The following KLHL29 variants were observed in gnomAD, a reference collection of about 807,000 sequenced individuals.
The protein encoded by KLHL29 is kelch like family member 29.
Under a neutral mutation model 80.4 loss-of-function variants are expected in KLHL29, and 21 were observed. The ratio of observed to expected loss-of-function variants is 0.26; its 90% CI spans 0.19 to 0.38. The LOEUF (loss-of-function observed/expected upper bound fraction) is 0.38, where lower values mean the gene tolerates loss of function less well. Ranked by LOEUF, KLHL29 falls within the 10% of genes least tolerant of loss-of-function variation. The pLI, the probability that KLHL29 is intolerant of heterozygous loss-of-function variation, is 1.00. For synonymous variants in KLHL29, 511 were observed against 526.8 expected (o/e 0.97, Z 0.41); for missense variants, 867 against 1,223.9 (o/e 0.71, Z 4.35).
At position 23,396,233 on chromosome 2, in the gene KLHL29, G is replaced by A. The variant is rs113316090; in HGVS notation, c.-154+10453G>A. Among the ~76,000 whole-genome samples the A allele has an allele frequency of 5.7e-3, 868 of 152,256 alleles. 7 individuals are homozygous for A. The highest frequency in any genetic ancestry group is 0.02 in the African/African-American group (815 of 41,560). On this transcript the variant is annotated intron_variant, in intron 1 of 13. Transcript: ENST00000486442. ...CTGCCATTGTTGGTGGCCATAAGGA[G>A]GGCTGCATCCCCTGCGTTTAGGTGC...
intron 2 of KLHL29, among the ~76,000 whole-genome samples, chr2:23,527,266 T>C (rs1244167998): frequency 1.3e-5 from 2 of 152,196 alleles, no homozygotes; most frequent in African/African-American, 4.8e-5. Context: ...AAATGCGACC[T>C]GCTTCTTCTC....
At chr2:23,407,305 C>T (rs1048767330) in intron 1 of KLHL29, among the ~76,000 whole-genome samples, 11 of 151,884 alleles carry the variant, frequency 7.2e-5, no homozygotes, top group Non-Finnish European at 1.5e-4. Context: ...TTACCCTATT[C>T]TATCCTATTA....
intron 3 of KLHL29, among the ~76,000 whole-genome samples, chr2:23,624,488 C>T (rs1374175005): frequency 1.3e-5 from 2 of 152,206 alleles, no homozygotes; most frequent in African/African-American, 4.8e-5. Context: ...GCGACATTGC[C>T]CCTCACTATC....
chr2:23,413,785 G>T (rs2103396890), intron 1 of KLHL29, among the ~76,000 whole-genome samples: 1 of 152,322 alleles, frequency 6.6e-6, no homozygotes, highest in East Asian at 1.9e-4. Context: ...TGGCATCGAT[G>T]GCCCTGAGTT....
intron 2 of KLHL29, among the ~76,000 whole-genome samples, chr2:23,518,252 G>A (rs1267573490): frequency 3.9e-5 from 6 of 152,122 alleles, no homozygotes; most frequent in African/African-American, 1.2e-4. Context: ...TGTAAATGTC[G>A]CCTAACAGTC....
At chr2:23,565,889 C>T (rs576297115) in intron 3 of KLHL29, among the ~76,000 whole-genome samples, 6 of 152,344 alleles carry the variant, frequency 3.9e-5, no homozygotes, top group Admixed American at 3.9e-4. Context: ...TTAGTGTCCC[C>T]TCTTGGCTAG....
At chr2:23,655,584 T>C (rs1670222873) in intron 5 of KLHL29, among the ~76,000 whole-genome samples, 1 of 152,090 alleles carries the variant, frequency 6.6e-6, no homozygotes, top group Non-Finnish European at 1.5e-5. Context: ...CAAATCGGCA[T>C]AAATAGCTCC....
chr2:23,421,179 T>A (rs898592000), intron 1 of KLHL29, among the ~76,000 whole-genome samples: 4 of 152,212 alleles, frequency 2.6e-5, no homozygotes, highest in Non-Finnish European at 5.9e-5. Context: ...CTGTTCCAGG[T>A]CCTTTGAGCC....
intron 5 of KLHL29, among the ~76,000 whole-genome samples, chr2:23,664,302 C>G (rs1204447132): frequency 6.6e-6 from 1 of 152,180 alleles, no homozygotes; most frequent in Non-Finnish European, 1.5e-5. Flanking sequence ...CACACTGGGG[C>G]AGGGAGGGTT....
intron 3 of KLHL29, among the ~76,000 whole-genome samples, chr2:23,569,685 C>T (rs759539408): frequency 2.6e-5 from 4 of 152,096 alleles, no homozygotes; most frequent in Non-Finnish European, 5.9e-5. Flanking sequence ...CAGAACCCAA[C>T]CCATTTGTTA....
chr2:23,695,775 C>T lies in KLHL29; in HGVS notation c.1695C>T (p.Ala565=). 2 of 1,551,276 alleles carry T rather than the reference C, an allele frequency of 1.3e-6. No individual in the cohort carries two copies. Among genetic ancestry groups the T allele is most frequent in the Non-Finnish European group, 1.7e-6 (2 of 1,146,978 alleles). Residue 565 remains alanine (A), a synonymous_variant, in exon 9 of 14, where the codon GCC becomes GCT. Transcript: ENST00000486442. The surrounding 1 kb of genome is among the most constrained non-coding windows in gnomAD (Gnocchi z 7.6). ...EAKRYHMLPH[A]RQEMQTPRTR... ...AACGCTACCATATGCTGCCCCACGC[C>T]CGCCAGGAGATGCAGACGCCCCGAA...
intron 3 of KLHL29, among the ~76,000 whole-genome samples, chr2:23,624,382 C>G (rs141875452): frequency 6.6e-6 from 1 of 152,188 alleles, no homozygotes; most frequent in Non-Finnish European, 1.5e-5. Flanking sequence ...GATTTTACAT[C>G]TCTGCCACCC....
chr2:23,495,720 C>T (rs563169747), intron 2 of KLHL29, among the ~76,000 whole-genome samples: 7 of 152,270 alleles, frequency 4.6e-5, no homozygotes, highest in Non-Finnish European at 8.8e-5. Flanking sequence ...GCCAGGGCTC[C>T]GGGGGTTGAC....
chr2:23,656,156 T>C (rs1380563232), intron 5 of KLHL29, among the ~76,000 whole-genome samples: 4 of 152,148 alleles, frequency 2.6e-5, no homozygotes, highest in Non-Finnish European at 4.4e-5. Flanking sequence ...AAGAAGGCAG[T>C]GAGAAGTCAG....
intron 1 of KLHL29, among the ~76,000 whole-genome samples, chr2:23,397,922 G>A (rs1572480612): frequency 6.6e-6 from 1 of 152,198 alleles, no homozygotes; most frequent in Admixed American, 6.5e-5. Flanking sequence ...ACCACTTCAC[G>A]TCCATTAACG....
At chr2:23,600,640 A>G (rs997516400) in intron 3 of KLHL29, among the ~76,000 whole-genome samples, 3 of 152,186 alleles carry the variant, frequency 2.0e-5, no homozygotes, top group Admixed American at 6.5e-5. Flanking sequence ...AATTGCCTCT[A>G]TCAACTCCTG....
chr2:23,456,357 A>T (rs1664049722), intron 1 of KLHL29, among the ~76,000 whole-genome samples: 1 of 152,224 alleles, frequency 6.6e-6, no homozygotes, highest in African/African-American at 2.4e-5. Context: ...AACCCCCAGC[A>T]TGCTCCCCAT....
chr2:23,387,133 C>T (rs1015788844), intron 1 of KLHL29, among the ~76,000 whole-genome samples: 3 of 152,176 alleles, frequency 2.0e-5, no homozygotes, highest in African/African-American at 7.2e-5. Context: ...GAATCGTGGA[C>T]GCAGGTATTT....
intron 3 of KLHL29, among the ~76,000 whole-genome samples, chr2:23,595,071 T>C (rs763837685): frequency 6.6e-6 from 1 of 152,016 alleles, no homozygotes; most frequent in Non-Finnish European, 1.5e-5. Context: ...AGAGACGGAG[T>C]GTTTGGAATA....
Sources: gnomAD v4.1 joint callset for allele counts (sites outside exome capture counted in the v4.1 genomes callset) on GRCh38, gnomAD v4.1.1 for gene constraint, Gnocchi (gnomAD v3.1) non-coding constraint, MANE v1.5 for transcripts, NCBI Gene and HGNC (gene_info 2026-07-23, HGNC 2026-07-21) for gene names.